The following AHI1 variants were observed in gnomAD, a reference collection of about 807,000 sequenced individuals.
AHI1 encodes the protein jouberin.
AHI1 carries 123 observed loss-of-function variants against 149.3 expected under a neutral mutation model. The ratio of observed to expected loss-of-function variants is 0.82; its 90% CI spans 0.71 to 0.96. The LOEUF (loss-of-function observed/expected upper bound fraction) is 0.96, where lower values mean the gene tolerates loss of function less well. AHI1 is among the 40% of genes least tolerant of loss of function. The pLI, the probability that AHI1 is intolerant of heterozygous loss-of-function variation, is 0.00. For missense variants in AHI1, 1,439 were observed against 1,422.7 expected, an observed-to-expected ratio of 1.01 and a Z score of -0.18; for synonymous variants, 475 against 459.8, an observed-to-expected ratio of 1.03 and a Z score of -0.42.
intron 23 of AHI1, among the ~76,000 whole-genome samples, chr6:135,366,831 G>A (rs370989350): frequency 1.2e-4 from 19 of 152,070 alleles, no homozygotes; most frequent in African/African-American, 4.6e-4. Flanking sequence ...GTTTGGGTTT[G>A]GTTTGTTCTT....
chr6:135,450,719 G>A lies in AHI1; in HGVS notation c.1441-2244C>T, dbSNP rs540893501. ...TTAGTTTACATTAATACGTTGCTTA[G>A]CCTGAGTAAACAACTAAGATTCAGC... On this transcript the variant is annotated intron_variant, in intron 11 of 28. Coordinates refer to ENST00000265602, the MANE Select transcript of AHI1 (RefSeq NM_001134831.2). Among the ~76,000 whole-genome samples, 137 of 152,198 alleles carry A rather than the reference G, an allele frequency of 9.0e-4. 1 individual carries two copies. The highest frequency in any genetic ancestry group is 3.1e-3 in the African/African-American group (130 of 41,528).
intron 25 of AHI1, among the ~76,000 whole-genome samples, chr6:135,321,526 G>T (rs981022238): frequency 1.3e-5 from 2 of 152,142 alleles, no homozygotes; most frequent in African/African-American, 4.8e-5. Context: ...AAGGTCGTGG[G>T]AAGGTGCCAA....
chr6:135,394,747 A>T, intron 23 of AHI1, 29 bp downstream of exon 23: 1 of 1,607,746 alleles, frequency 6.2e-7, no homozygotes, highest in South Asian at 1.1e-5. Flanking sequence ...AACATTTAAA[A>T]GAATTGTCAA....
At chr6:135,481,948 G>A (rs191443774) in intron 5 of AHI1, among the ~76,000 whole-genome samples, 2 of 151,358 alleles carry the variant, frequency 1.3e-5, no homozygotes, top group South Asian at 2.1e-4. Flanking sequence ...TGAGAAGTCT[G>A]CTGTCATTAT....
intron 5 of AHI1, among the ~76,000 whole-genome samples, chr6:135,489,553 T>A (rs1341602212): frequency 6.6e-6 from 1 of 152,088 alleles, no homozygotes; most frequent in Non-Finnish European, 1.5e-5. Context: ...CAATGTTTCA[T>A]CCTCCATGTC....
Position 135,283,793 on chromosome 6 carries a change from A to G in AHI1, c.*1852T>C, listed in dbSNP as rs764607362. ...CCAAATTTTCCTGGTGTTTGCTTCA[A>G]CTGCTATTTTTCTCTTTAGTAGTTG... On this transcript the variant is annotated 3_prime_UTR_variant, in exon 29 of 29. Transcript: ENST00000265602. 5 of 152,222 alleles carry G rather than the reference A, an allele frequency of 3.3e-5. No homozygotes were observed. Among genetic ancestry groups the G allele is most frequent in the Non-Finnish European group, 5.9e-5 (4 of 68,042 alleles). 9.4% of individuals were successfully genotyped at this position (152,222 alleles called of 1,614,324 possible).
chr6:135,395,283 C>T (rs1421126377), intron 22 of AHI1, among the ~76,000 whole-genome samples: 2 of 151,982 alleles, frequency 1.3e-5, no homozygotes, highest in Admixed American at 1.3e-4. Context: ...AGTGAAATAG[C>T]AAGTACTTCC....
At chr6:135,420,853 C>T (rs994263999) in intron 20 of AHI1, among the ~76,000 whole-genome samples, 4 of 152,192 alleles carry the variant, frequency 2.6e-5, no homozygotes, top group African/African-American at 4.8e-5. Context: ...GCTAACTATA[C>T]GGCACAAAAG....
At chr6:135,486,979 T>C (rs1794567749) in intron 5 of AHI1, among the ~76,000 whole-genome samples, 1 of 152,132 alleles carries the variant, frequency 6.6e-6, no homozygotes, top group Non-Finnish European at 1.5e-5. Flanking sequence ...TTGCCCAGGC[T>C]AGTCTTGAAC....
At chr6:135,297,300 C>G in intron 27 of AHI1, 1 of 370,582 alleles carries the variant, frequency 2.7e-6, no homozygotes, top group Non-Finnish European at 5.3e-6. Flanking sequence ...TTCCCCAACT[C>G]CAAGACACTA....
At position 135,288,468 on chromosome 6, in the gene AHI1, T is replaced by C. The variant is rs145336388; in HGVS notation, c.3588+1955A>G. The stretch of plus-strand genomic sequence containing the variant: ...GAAAGAAATGATCAAGTAGTAAATA[T>C]ACAGTAAGTAGATAAATTAGAAAAT... On this transcript the variant is annotated intron_variant, in intron 28 of 28. Transcript: ENST00000265602. 1.5e-3 allele frequency among the ~76,000 whole-genome samples: 233 copies of C among 152,056 alleles called. 6 individuals are homozygous for C. The highest frequency in any genetic ancestry group is 5.4e-3 in the African/African-American group (224 of 41,368).
Position 135,494,831 on chromosome 6 carries a change from G to A in AHI1, c.-55+983C>T, listed in dbSNP as rs1204372273. 3.3e-5 allele frequency among the ~76,000 whole-genome samples: 5 copies of A among 152,198 alleles called. 1 individual carries two copies. The highest frequency in any genetic ancestry group is 7.3e-5 in the Non-Finnish European group (5 of 68,028). On this transcript the variant is annotated intron_variant, in intron 3 of 28. Coordinates refer to ENST00000265602, the MANE Select transcript of AHI1 (RefSeq NM_001134831.2). ...ATAGGTGAAAAACTGGGAGATAGAA[G>A]CATTACAGAAGCAAACCCAAGTTTT...
intron 23 of AHI1, among the ~76,000 whole-genome samples, chr6:135,364,493 G>T (rs375553215): frequency 6.8e-6 from 1 of 147,082 alleles, no homozygotes; most frequent in East Asian, 2.0e-4. Context: ...ACGGGGTGGC[G>T]GCCGGGCAGA....
chr6:135,458,982 C>A (rs1454326093), intron 8 of AHI1, among the ~76,000 whole-genome samples: 1 of 152,126 alleles, frequency 6.6e-6, no homozygotes, highest in African/African-American at 2.4e-5. Context: ...CTCTCAACAG[C>A]TGACAGAATA....
intron 26 of AHI1, chr6:135,301,936 C>T (rs1783932423): frequency 1.0e-6 from 1 of 985,190 alleles, no homozygotes; most frequent in African/African-American, 1.7e-5. Context: ...TGTTTCTTTC[C>T]AGACTTGTGA....
intron 6 of AHI1, 97 bp downstream of exon 6, chr6:135,467,484 C>A: frequency 2.0e-6 from 2 of 995,694 alleles, no homozygotes; most frequent in South Asian, 1.4e-5. Context: ...TGTTGAAAAA[C>A]AGAATGGACA....
intron 23 of AHI1, among the ~76,000 whole-genome samples, chr6:135,385,838 T>C (rs138145907): frequency 1.5e-4 from 23 of 151,756 alleles, no homozygotes; most frequent in African/African-American, 3.9e-4. Context: ...CAAGGAAACA[T>C]TGATTGATTT....
chr6:135,417,008 A>G (rs1444140975), intron 20 of AHI1, among the ~76,000 whole-genome samples: 6 of 152,066 alleles, frequency 3.9e-5, no homozygotes, highest in African/African-American at 1.4e-4. Context: ...AACACTTATT[A>G]CCCTCAACTA....
At chr6:135,358,659 CTATTTAT>C (rs369140202) in intron 23 of AHI1, among the ~76,000 whole-genome samples, 1 of 152,336 alleles carries the variant, frequency 6.6e-6, no homozygotes, top group African/African-American at 2.4e-5. Flanking sequence ...ATGACATACT[CTATTTAT>C]TCAATCACCA....
Sources: allele counts gnomAD v4.1 joint callset (sites outside exome capture counted in the v4.1 genomes callset), GRCh38; gene constraint gnomAD v4.1.1; transcripts MANE v1.5; gene names NCBI Gene and HGNC (gene_info 2026-07-23, HGNC 2026-07-21).